IDE: variants seen among roughly 807,000 people sequenced by gnomAD.
The protein encoded by IDE is insulin degrading enzyme.
Under a neutral mutation model 133.2 loss-of-function variants are expected in IDE, and 58 were observed. That is an observed-to-expected ratio of 0.44 (90% CI 0.35 to 0.54). The LOEUF (loss-of-function observed/expected upper bound fraction) is 0.54, where lower values mean the gene tolerates loss of function less well. IDE is among the 20% of genes least tolerant of loss of function. The probability of loss-of-function intolerance (pLI) is 0.00; values close to 1 mark genes in which losing one functional copy is unlikely to be tolerated. For synonymous variants in IDE, 396 were observed against 421.3 expected (o/e 0.94, Z 0.73); for missense variants, 981 against 1,234.0 (o/e 0.79, Z 3.07).
intron 1 of IDE, chr10:92,541,164 G>A (rs1292676918): frequency 7.1e-6 from 2 of 281,092 alleles, no homozygotes; most frequent in Non-Finnish European, 1.5e-5. Context: ...ATGACTTCTT[G>A]AGGAAGTAAA....
intron 18 of IDE, among the ~76,000 whole-genome samples, chr10:92,469,601 A>T (rs1350707775): frequency 6.6e-6 from 1 of 151,770 alleles, no homozygotes; most frequent in Non-Finnish European, 1.5e-5. Context: ...GCTGTTTTTC[A>T]ATTTTTTGTA....
intron 4 of IDE, among the ~76,000 whole-genome samples, chr10:92,515,806 T>G (rs1848888657): frequency 6.9e-6 from 1 of 145,830 alleles, no homozygotes; most frequent in Non-Finnish European, 1.5e-5. Flanking sequence ...GTGATCTGCC[T>G]GCCTCGGCCT....
chr10:92,477,345 G>T (rs1425008111), intron 15 of IDE, among the ~76,000 whole-genome samples: 2 of 151,848 alleles, frequency 1.3e-5, no homozygotes, highest in African/African-American at 2.4e-5. Flanking sequence ...TAGAGACAGG[G>T]TCTTGCCATG....
At chr10:92,537,668 T>C (rs1842083799) in intron 1 of IDE, 118 bp from the exon 2 acceptor site, 1 of 677,702 alleles carries the variant, frequency 1.5e-6, no homozygotes, top group East Asian at 2.7e-5. Context: ...GAAGGAAACC[T>C]TTTATAGCCA....
chr10:92,556,137 C>T (rs1842992968), intron 1 of IDE, among the ~76,000 whole-genome samples: 2 of 127,492 alleles, frequency 1.6e-5, no homozygotes, highest in Non-Finnish European at 3.1e-5. Context: ...TGCACCACTG[C>T]AGTCCGCAGT....
At chr10:92,509,850 A>G (rs6583819) in intron 6 of IDE, among the ~76,000 whole-genome samples, 200 bp downstream of exon 6, 127,768 of 150,310 alleles carry the variant, frequency 0.85, 54,481 homozygotes, top group East Asian at 0.94. Flanking sequence ...CAGCCAGGGA[A>G]GTTGAGGCTT....
intron 1 of IDE, among the ~76,000 whole-genome samples, chr10:92,550,978 G>A (rs1202868433): frequency 6.6e-6 from 1 of 152,238 alleles, no homozygotes; most frequent in Non-Finnish European, 1.5e-5. Context: ...TGGTACAGCA[G>A]TATGGAAAAC....
intron 11 of IDE, among the ~76,000 whole-genome samples, chr10:92,503,868 G>A (rs1424894980): frequency 6.6e-6 from 1 of 151,930 alleles, no homozygotes; most frequent in Admixed American, 6.6e-5. Flanking sequence ...ACAGATGCAT[G>A]CCACCATGCC....
At chr10:92,478,378 T>C (rs1846398050) in intron 15 of IDE, among the ~76,000 whole-genome samples, 1 of 152,160 alleles carries the variant, frequency 6.6e-6, no homozygotes. Context: ...AAGAACAATA[T>C]GCTTTCAGGA....
intron 15 of IDE, among the ~76,000 whole-genome samples, chr10:92,477,916 GA>G (rs1846365966): frequency 6.6e-6 from 1 of 151,432 alleles, no homozygotes; most frequent in Admixed American, 6.6e-5. Flanking sequence ...TTTATGTGAA[GA>G]AAAAAAAGTC....
At chr10:92,478,854 C>T (rs986986344) in intron 15 of IDE, 1 of 901,736 alleles carries the variant, frequency 1.1e-6, no homozygotes, top group East Asian at 7.4e-5. Context: ...AATGAAGAAA[C>T]ATGACCGAAG....
intron 1 of IDE, among the ~76,000 whole-genome samples, chr10:92,541,096 C>A (rs986742386): frequency 6.6e-6 from 1 of 152,018 alleles, no homozygotes; most frequent in Non-Finnish European, 1.5e-5. Flanking sequence ...TACTAGTGTA[C>A]AAAGGATCAA....
At chr10:92,538,799 A>T (rs1842152523) in intron 1 of IDE, among the ~76,000 whole-genome samples, 1 of 152,014 alleles carries the variant, frequency 6.6e-6, no homozygotes. Context: ...AAAAACTGAA[A>T]CTGCTACTAC....
rs778566287 is a variant in IDE, at chr10:92,452,167, T to G, written c.*2277A>C. 6.6e-6 allele frequency: 1 copy of G among 152,220 alleles called. No individual in the cohort carries two copies. Among genetic ancestry groups the G allele is most frequent in the Non-Finnish European group, 1.5e-5 (1 of 68,038 alleles). The allele number at this position is 152,220 out of a possible 1,614,324, so 9.4% of individuals were successfully genotyped here. On this transcript the variant is annotated 3_prime_UTR_variant, in exon 25 of 25. Transcript: ENST00000265986. ...AGCAAGAAATCTGGTCAAACTGGGA[T>G]GTTGAGAGGTAGGCTGAGGACTGGC...
chr10:92,539,588 A>G (rs775261225), intron 1 of IDE, among the ~76,000 whole-genome samples: 2 of 151,846 alleles, frequency 1.3e-5, no homozygotes, highest in Non-Finnish European at 2.9e-5. Context: ...ACATGGTGAA[A>G]CCCTGTCTCT....
At chr10:92,518,548 A>T (rs1849046047) in intron 4 of IDE, among the ~76,000 whole-genome samples, 1 of 152,212 alleles carries the variant, frequency 6.6e-6, no homozygotes, top group African/African-American at 2.4e-5. Context: ...GAAGATGTCC[A>T]TATCCTACTA....
intron 3 of IDE, among the ~76,000 whole-genome samples, chr10:92,532,245 T>C (rs925068725): frequency 4.8e-4 from 73 of 150,684 alleles, no homozygotes; most frequent in Non-Finnish European, 9.4e-4. Flanking sequence ...TATAAAAACT[T>C]TGTTACATGT....
intron 13 of IDE, among the ~76,000 whole-genome samples, chr10:92,485,754 G>T: frequency 6.6e-6 from 1 of 152,030 alleles, no homozygotes; most frequent in South Asian, 2.1e-4. Context: ...ACCAGCCCAG[G>T]CAACATAGCA....
chr10:92,482,757 C>T (rs1200928535), intron 14 of IDE, among the ~76,000 whole-genome samples: 2 of 151,760 alleles, frequency 1.3e-5, no homozygotes, highest in African/African-American at 4.8e-5. Flanking sequence ...AAAGAATTAA[C>T]AACACTGGTT....
Sources: gnomAD v4.1 joint callset for allele counts (sites outside exome capture counted in the v4.1 genomes callset) on GRCh38, gnomAD v4.1.1 for gene constraint, MANE v1.5 for transcripts, NCBI Gene and HGNC (gene_info 2026-07-23, HGNC 2026-07-21) for gene names.